MCC: variants seen among roughly 807,000 people sequenced by gnomAD.
MCC encodes the protein colorectal mutant cancer protein.
Under a neutral mutation model 116.2 loss-of-function variants are expected in MCC, and 90 were observed. The ratio of observed to expected loss-of-function variants is 0.77; its 90% CI spans 0.65 to 0.92. MCC has a LOEUF of 0.92. Ranked by LOEUF, MCC falls within the 40% of genes least tolerant of loss-of-function variation. The pLI, the probability that MCC is intolerant of heterozygous loss-of-function variation, is 0.00. For synonymous variants in MCC, 578 were observed against 510.5 expected (o/e 1.13, Z -1.78); for missense variants, 1,516 against 1,312.2 (o/e 1.16, Z -2.40).
At chr5:113,395,697 T>C (rs1024546631) in intron 1 of MCC, among the ~76,000 whole-genome samples, 2 of 152,222 alleles carry the variant, frequency 1.3e-5, no homozygotes, top group Non-Finnish European at 2.9e-5. Flanking sequence ...AACTTCTAAA[T>C]TGATTGAGAC....
At chr5:113,035,798 A>G (rs1026210759) in intron 17 of MCC, among the ~76,000 whole-genome samples, 2 of 152,206 alleles carry the variant, frequency 1.3e-5, no homozygotes, top group East Asian at 1.9e-4. Flanking sequence ...ATTGCAAACT[A>G]AAGTTACTTT....
Position 113,198,434 on chromosome 5 carries a change from C to T in MCC, c.628-47012G>A, listed in dbSNP as rs1762522105. On this transcript the variant is annotated intron_variant, in intron 3 of 18. Coordinates refer to ENST00000408903, the MANE Select transcript of MCC (RefSeq NM_001085377.2). ...GTGGGGCCAGGCATGGTGGCACACACCTGTAATCCCAGCACTTTGGGAGGT... is the reference window on the plus strand; with the variant it reads ...GTGGGGCCAGGCATGGTGGCACACATCTGTAATCCCAGCACTTTGGGAGGT... Among the ~76,000 whole-genome samples, 4 of 152,026 alleles carry T rather than the reference C, an allele frequency of 2.6e-5. No individual in the cohort carries two copies. The South Asian group carries it at 8.3e-4, about 32-fold the overall frequency.
intron 3 of MCC, among the ~76,000 whole-genome samples, chr5:113,230,350 G>A (rs779737687): frequency 1.3e-5 from 2 of 152,150 alleles, no homozygotes; most frequent in Non-Finnish European, 2.9e-5. Flanking sequence ...GAGGGAGAGG[G>A]AGAACTTATA....
intron 3 of MCC, among the ~76,000 whole-genome samples, chr5:113,309,832 TTC>T (rs1220809507): frequency 6.6e-6 from 1 of 152,084 alleles, no homozygotes; most frequent in East Asian, 1.9e-4. Flanking sequence ...TCCTTTCACC[TTC>T]TTTCTTTCAT....
chr5:113,272,098 G>A (rs1765638629), intron 3 of MCC, among the ~76,000 whole-genome samples: 1 of 152,182 alleles, frequency 6.6e-6, no homozygotes. Context: ...GCTTTAGCTT[G>A]TTTATATATT....
At chr5:113,295,278 A>G (rs1327084849) in intron 3 of MCC, among the ~76,000 whole-genome samples, 2 of 152,172 alleles carry the variant, frequency 1.3e-5, no homozygotes, top group African/African-American at 2.4e-5. Flanking sequence ...ATCAGACAGC[A>G]CGGTGCACTT....
chr5:113,142,152 A>G (rs1462752873), intron 5 of MCC, among the ~76,000 whole-genome samples: 1 of 147,114 alleles, frequency 6.8e-6, no homozygotes, highest in Admixed American at 6.6e-5. Context: ...CTCATCAAGA[A>G]GCCCCGCCAT....
chr5:113,225,623 T>C (rs1329233967), intron 3 of MCC, among the ~76,000 whole-genome samples: 1 of 152,160 alleles, frequency 6.6e-6, no homozygotes, highest in Non-Finnish European at 1.5e-5. Flanking sequence ...ACCTCCTTGA[T>C]CTTCTAACAC....
At chr5:113,135,035 G>A (rs1182886568) in intron 5 of MCC, among the ~76,000 whole-genome samples, 3 of 149,710 alleles carry the variant, frequency 2.0e-5, no homozygotes, top group Non-Finnish European at 3.0e-5. Flanking sequence ...TCCGCCTCCC[G>A]GGTTCAAGCA....
At chr5:113,360,665 G>A (rs1391499226) in intron 2 of MCC, among the ~76,000 whole-genome samples, 1 of 152,112 alleles carries the variant, frequency 6.6e-6, no homozygotes, top group African/African-American at 2.4e-5. Context: ...AGTAAATTAT[G>A]TTTTTCTGGA....
intron 3 of MCC, among the ~76,000 whole-genome samples, chr5:113,279,835 T>TA (rs1267990296): frequency 6.6e-6 from 1 of 152,210 alleles, no homozygotes; most frequent in Middle Eastern, 3.2e-3. Flanking sequence ...TTTTGTTGTA[T>TA]TAAAGGCAAT....
At chr5:113,084,065 G>A (rs764235706) in intron 10 of MCC, 36 bp downstream of exon 10, 25 of 1,519,016 alleles carry the variant, frequency 1.6e-5, no homozygotes, top group South Asian at 7.9e-5. Flanking sequence ...TAGCTCTGCC[G>A]GGTACTTTCT....
intron 11 of MCC, among the ~76,000 whole-genome samples, chr5:113,072,607 T>C (rs1019935721): frequency 4.6e-5 from 7 of 152,174 alleles, no homozygotes; most frequent in African/African-American, 1.2e-4. Flanking sequence ...CTCTGCTGGT[T>C]TTCTTCCTGC....
At chr5:113,174,114 C>G (rs1249964102) in intron 3 of MCC, among the ~76,000 whole-genome samples, 2 of 152,108 alleles carry the variant, frequency 1.3e-5, no homozygotes. Flanking sequence ...GTAAAGAAGT[C>G]AGAACACTGC....
At chr5:113,203,347 T>A (rs1349910515) in intron 3 of MCC, 1 of 152,268 alleles carries the variant, frequency 6.6e-6, no homozygotes, top group East Asian at 1.9e-4. Flanking sequence ...AGCCTTTTAA[T>A]GAACTCAGTG....
rs1262654625 is a variant in MCC, at chr5:113,272,869, T to A, written c.627+67650A>T. 2.0e-5 allele frequency among the ~76,000 whole-genome samples: 3 copies of A among 152,234 alleles called. No homozygotes were observed. The East Asian group carries it at 5.8e-4, about 29-fold the overall frequency. On this transcript the variant is annotated intron_variant, in intron 3 of 18. Coordinates refer to ENST00000408903, the MANE Select transcript of MCC (RefSeq NM_001085377.2). ...GTCCTTCAGTCATTTAAATTTTCAATGGCAAGCAAATATAACCACTGATTA... is the reference window on the plus strand; with the variant it reads ...GTCCTTCAGTCATTTAAATTTTCAAAGGCAAGCAAATATAACCACTGATTA...
chr5:113,317,293 C>T (rs547393487), intron 3 of MCC, among the ~76,000 whole-genome samples: 6 of 152,344 alleles, frequency 3.9e-5, no homozygotes, highest in African/African-American at 1.4e-4. Context: ...ATTCAAACAT[C>T]TCCTTTCAGG....
At chr5:113,322,791 G>T (rs1470464918) in intron 3 of MCC, among the ~76,000 whole-genome samples, 2 of 152,188 alleles carry the variant, frequency 1.3e-5, no homozygotes, top group Admixed American at 6.5e-5. Flanking sequence ...AGTAAGCAAT[G>T]AATTGGTAAT....
chr5:113,315,626 A>G (rs530029040), intron 3 of MCC, among the ~76,000 whole-genome samples: 13 of 150,274 alleles, frequency 8.7e-5, no homozygotes, highest in African/African-American at 3.2e-4. Flanking sequence ...CTAGCACTTC[A>G]GGAAGCTGAA....
Sources: gnomAD v4.1 joint callset for allele counts (sites outside exome capture counted in the v4.1 genomes callset) on GRCh38, gnomAD v4.1.1 for gene constraint, MANE v1.5 for transcripts, NCBI Gene and HGNC (gene_info 2026-07-23, HGNC 2026-07-21) for gene names.